Variants in RASGRF2 observed in about 807,000 individuals in gnomAD.
The protein encoded by RASGRF2 is Ras protein specific guanine nucleotide releasing factor 2.
In RASGRF2, 76 loss-of-function variants were observed where a neutral mutation model predicts 151.0. The ratio of observed to expected loss-of-function variants is 0.50; its 90% CI spans 0.42 to 0.61. The LOEUF is 0.61. RASGRF2 is among the 20% of genes least tolerant of loss of function. The pLI is 0.00. For synonymous variants in RASGRF2, 504 were observed against 566.5 expected (o/e 0.89, Z 1.57); for missense variants, 1,148 against 1,564.6 (o/e 0.73, Z 4.49).
Position 80,960,678 on chromosome 5 carries a change from G to A in RASGRF2, c.-61G>A. On this transcript the variant is annotated 5_prime_UTR_variant, in exon 1 of 27. Coordinates refer to ENST00000265080, the MANE Select transcript of RASGRF2 (RefSeq NM_006909.3). The surrounding 1 kb of genome is among the most constrained non-coding windows in gnomAD (Gnocchi z 5.5). The stretch of plus-strand genomic sequence containing the variant: ...TCGCGCCCTCGAGGGAGCCAGCTGG[G>A]CCATGGCCGCGAGGCAGGGGTGAGA... 2 of 1,368,812 alleles carry A rather than the reference G, an allele frequency of 1.5e-6. No individual in the cohort carries two copies. Among genetic ancestry groups the A allele is most frequent in the Non-Finnish European group, 1.9e-6 (2 of 1,044,004 alleles). 84.8% of individuals were successfully genotyped at this position (1,368,812 alleles called of 1,614,324 possible).
intron 17 of RASGRF2, among the ~76,000 whole-genome samples, chr5:81,161,227 A>G (rs939104108): frequency 1.3e-5 from 2 of 152,204 alleles, no homozygotes; most frequent in African/African-American, 4.8e-5. Context: ...GCCTAGGGTC[A>G]TTGCATAACT....
At chr5:81,136,348 GT>G (rs1259632552) in intron 17 of RASGRF2, among the ~76,000 whole-genome samples, 1 of 152,146 alleles carries the variant, frequency 6.6e-6, no homozygotes, top group Non-Finnish European at 1.5e-5. Context: ...AATTCCTCCA[GT>G]TTTTATTTGC....
intron 22 of RASGRF2, among the ~76,000 whole-genome samples, chr5:81,212,039 C>T (rs190905693): frequency 2.6e-5 from 4 of 152,200 alleles, no homozygotes; most frequent in African/African-American, 7.2e-5. Flanking sequence ...ATTGCCTTTC[C>T]GCAGGCGTTA....
intron 2 of RASGRF2, among the ~76,000 whole-genome samples, chr5:81,045,761 T>C (rs1750816701): frequency 6.6e-6 from 1 of 152,236 alleles, no homozygotes; most frequent in Admixed American, 6.5e-5. Context: ...TTCTTAAATT[T>C]TTGTTTTCTA....
chr5:80,961,718 A>G (rs888818), intron 1 of RASGRF2, among the ~76,000 whole-genome samples: 2,955 of 152,286 alleles, frequency 0.019, 43 homozygotes, highest in South Asian at 0.059. Context: ...TTTTAAATGA[A>G]TGCTTTGAAA....
At chr5:81,123,919 T>C (rs1412696539) in intron 16 of RASGRF2, 152 bp downstream of exon 16, 1 of 1,050,070 alleles carries the variant, frequency 9.5e-7, no homozygotes, top group Admixed American at 2.9e-5. Flanking sequence ...CGGCCCTTTG[T>C]ATCTGTGGGT....
chr5:81,119,848 G>A (rs1215307004), intron 15 of RASGRF2, among the ~76,000 whole-genome samples: 1 of 152,188 alleles, frequency 6.6e-6, no homozygotes, highest in African/African-American at 2.4e-5. Context: ...GTGATTTAGT[G>A]TTATATTTTT....
intron 18 of RASGRF2, among the ~76,000 whole-genome samples, chr5:81,200,681 A>G (rs953848424): frequency 6.6e-6 from 1 of 152,218 alleles, no homozygotes; most frequent in African/African-American, 2.4e-5. Flanking sequence ...AAGCCAGGCA[A>G]TTAAATTGGC....
intron 10 of RASGRF2, 108 bp downstream of exon 10, chr5:81,093,069 T>C (rs1050102230): frequency 1.1e-5 from 13 of 1,187,754 alleles, no homozygotes; most frequent in Non-Finnish European, 1.5e-5. Context: ...AAACAGATTG[T>C]CATGATTGCA....
chr5:81,215,110 G>A (rs1007810179), intron 23 of RASGRF2, among the ~76,000 whole-genome samples: 12 of 151,934 alleles, frequency 7.9e-5, no homozygotes, highest in South Asian at 2.1e-4. Flanking sequence ...AGGCCGAGGC[G>A]GGCAGATCAC....
In RASGRF2 at chr5:81,206,916, C is replaced by T. The variant is rs528666876; in HGVS notation, c.2967+11C>T. ...GATATAATTCAAATGGTAAGTCTGA[C>T]CACATTTTTATCTAGCACAACTATG... On this transcript the variant is annotated intron_variant, in intron 20 of 26. Transcript: ENST00000265080. 36 of 1,589,592 alleles carry T rather than the reference C, an allele frequency of 2.3e-5. No homozygotes were observed. Among genetic ancestry groups the T allele is most frequent in the South Asian group, 3.3e-5 (3 of 90,492 alleles).
chr5:81,092,996 C>T (rs1561605390), intron 10 of RASGRF2, 35 bp downstream of exon 10: 4 of 1,531,530 alleles, frequency 2.6e-6, no homozygotes, highest in Admixed American at 4.0e-5. Context: ...ATTTATCTTC[C>T]AAGCACTTAC....
intron 17 of RASGRF2, among the ~76,000 whole-genome samples, chr5:81,130,740 G>GAACCT (rs61574169): frequency 1.7e-5 from 1 of 59,520 alleles, no homozygotes; most frequent in Admixed American, 1.5e-4. Flanking sequence ...GATGCATCCA[G>GAACCT]GTGAGTTGCA....
At chr5:80,995,196 C>T (rs1014683303) in intron 1 of RASGRF2, among the ~76,000 whole-genome samples, 6 of 146,022 alleles carry the variant, frequency 4.1e-5, no homozygotes, top group African/African-American at 1.5e-4. Flanking sequence ...GCGGAGTTTG[C>T]AGTGAGCCGA....
chr5:81,109,154 A>T, intron 13 of RASGRF2, 76 bp downstream of exon 13: 1 of 1,530,114 alleles, frequency 6.5e-7, no homozygotes, highest in East Asian at 2.3e-5. Flanking sequence ...TGAATAAAAT[A>T]CTGTGTCAAT....
At chr5:81,059,528 C>T (rs909414847) in intron 2 of RASGRF2, among the ~76,000 whole-genome samples, 1 of 151,640 alleles carries the variant, frequency 6.6e-6, no homozygotes, top group Non-Finnish European at 1.5e-5. Context: ...TACTCCCTGT[C>T]TTAGGCCATT....
intron 1 of RASGRF2, among the ~76,000 whole-genome samples, chr5:81,012,504 G>A (rs1017782735): frequency 3.9e-5 from 6 of 152,110 alleles, no homozygotes; most frequent in Non-Finnish European, 7.4e-5. Flanking sequence ...CAGCCGTAGC[G>A]TGTGGTCAGT....
intron 18 of RASGRF2, among the ~76,000 whole-genome samples, chr5:81,187,261 A>G (rs1344925201): frequency 6.6e-6 from 1 of 152,242 alleles, no homozygotes; most frequent in Non-Finnish European, 1.5e-5. Flanking sequence ...CTAATTGATC[A>G]CTTGGAATGT....
At chr5:81,225,395 GTAATC>G (rs1755950282) in intron 26 of RASGRF2, among the ~76,000 whole-genome samples, 3 of 152,052 alleles carry the variant, frequency 2.0e-5, no homozygotes, top group Admixed American at 2.0e-4. Context: ...GTAAGTACAT[GTAATC>G]TCTATAAAGA....
Sources: allele counts gnomAD v4.1 joint callset (sites outside exome capture counted in the v4.1 genomes callset), GRCh38; gene constraint gnomAD v4.1.1; non-coding constraint Gnocchi (gnomAD v3.1); transcripts MANE v1.5; gene names NCBI Gene and HGNC (gene_info 2026-07-23, HGNC 2026-07-21).